CSMD1: variants seen among roughly 807,000 people sequenced by gnomAD.
The protein encoded by CSMD1 is CUB and sushi domain-containing protein 1.
In CSMD1, 213 loss-of-function variants were observed where a neutral mutation model predicts 417.5. The ratio of observed to expected loss-of-function variants is 0.51; its 90% confidence interval spans 0.46 to 0.57. The LOEUF is 0.57. Ranked by LOEUF, CSMD1 falls within the 20% of genes least tolerant of loss-of-function variation. The pLI is 0.00. For missense variants in CSMD1, 6,923 were observed against 4,529.7 expected (o/e 1.53, Z -15.17); for synonymous variants, 2,862 against 1,736.8 (o/e 1.65, Z -16.11).
intron 5 of CSMD1, among the ~76,000 whole-genome samples, chr8:3,988,850 G>T (rs545776754): frequency 6.6e-6 from 1 of 152,122 alleles, no homozygotes; most frequent in Non-Finnish European, 1.5e-5. Flanking sequence ...TTCCTTTAAA[G>T]TGATATTATT....
intron 5 of CSMD1, among the ~76,000 whole-genome samples, chr8:3,804,861 T>G (rs1225938260): frequency 3.3e-5 from 5 of 152,174 alleles, no homozygotes; most frequent in African/African-American, 1.2e-4. Context: ...TTCTTTCCTG[T>G]TACATGATTA....
chr8:3,755,153 C>T (rs901210710), intron 5 of CSMD1, among the ~76,000 whole-genome samples: 13 of 152,126 alleles, frequency 8.5e-5, no homozygotes, highest in Non-Finnish European at 1.2e-4. Flanking sequence ...CCGTTAGAGG[C>T]GCAAGGGACA....
At chr8:4,504,069 G>GA (rs780395592) in intron 2 of CSMD1, among the ~76,000 whole-genome samples, 4 of 152,082 alleles carry the variant, frequency 2.6e-5, no homozygotes, top group South Asian at 4.2e-4. Context: ...TGGAGGTACA[G>GA]AAAAAATCCT....
chr8:3,857,692 T>A (rs546189586), intron 5 of CSMD1, among the ~76,000 whole-genome samples: 1 of 152,306 alleles, frequency 6.6e-6, no homozygotes, highest in African/African-American at 2.4e-5. Flanking sequence ...AGATTCTTCA[T>A]AATCTTCAAA....
chr8:4,854,310 G>A (rs920884843), intron 1 of CSMD1, among the ~76,000 whole-genome samples: 3 of 152,112 alleles, frequency 2.0e-5, no homozygotes, highest in Non-Finnish European at 4.4e-5. Context: ...TTGGGTTGCC[G>A]AGGCAGATCC....
chr8:2,993,780 G>A (rs1360594888), intron 54 of CSMD1, among the ~76,000 whole-genome samples: 2 of 151,982 alleles, frequency 1.3e-5, no homozygotes, highest in Non-Finnish European at 2.9e-5. Flanking sequence ...CTCCCGTCTC[G>A]GCCCTTATGA....
At chr8:4,090,720 A>C (rs968359993) in intron 3 of CSMD1, among the ~76,000 whole-genome samples, 3 of 152,166 alleles carry the variant, frequency 2.0e-5, no homozygotes, top group African/African-American at 7.2e-5. Context: ...TTTTAAATCA[A>C]TTTTACTTAA....
intron 1 of CSMD1, among the ~76,000 whole-genome samples, chr8:4,815,529 C>T (rs1799152604): frequency 6.6e-6 from 1 of 151,628 alleles, no homozygotes; most frequent in South Asian, 2.1e-4. Flanking sequence ...AACCCCATCT[C>T]TACTGAAAAT....
intron 6 of CSMD1, among the ~76,000 whole-genome samples, chr8:3,725,564 T>C (rs1475663295): frequency 1.3e-5 from 2 of 152,106 alleles, no homozygotes; most frequent in East Asian, 1.9e-4. Context: ...TTGTATTAAG[T>C]AGAAACAGTT....
chr8:3,440,876 G>A (rs2117060728), intron 12 of CSMD1, among the ~76,000 whole-genome samples: 1 of 152,308 alleles, frequency 6.6e-6, no homozygotes, highest in East Asian at 1.9e-4. Context: ...AGACGTTACA[G>A]CAGGCTTGAT....
intron 42 of CSMD1, among the ~76,000 whole-genome samples, chr8:3,115,991 T>C (rs1816842090): frequency 6.6e-6 from 1 of 152,336 alleles, no homozygotes; most frequent in Middle Eastern, 3.4e-3. Flanking sequence ...TACATGAAGA[T>C]ACTGGGTTGT....
intron 54 of CSMD1, among the ~76,000 whole-genome samples, chr8:2,989,492 T>C (rs1371664930): frequency 2.0e-5 from 3 of 152,192 alleles, no homozygotes; most frequent in Non-Finnish European, 2.9e-5. Flanking sequence ...ATCAGATATA[T>C]TTGAAAAAGC....
intron 2 of CSMD1, among the ~76,000 whole-genome samples, chr8:4,549,675 G>T (rs563933515): frequency 1.3e-5 from 2 of 151,978 alleles, no homozygotes; most frequent in African/African-American, 4.8e-5. Flanking sequence ...GATCACTTGA[G>T]TTCAGGAGTT....
At chr8:3,479,352 C>T (rs1231082394) in intron 11 of CSMD1, among the ~76,000 whole-genome samples, 1 of 152,182 alleles carries the variant, frequency 6.6e-6, no homozygotes, top group Non-Finnish European at 1.5e-5. Context: ...ATGATCTTGG[C>T]TCACCGCAAC....
chr8:3,995,463 C>A (rs904664198), intron 5 of CSMD1, among the ~76,000 whole-genome samples: 12 of 152,178 alleles, frequency 7.9e-5, no homozygotes, highest in African/African-American at 2.9e-4. Context: ...GCTTTATGAT[C>A]CAGCCTGTAG....
intron 1 of CSMD1, among the ~76,000 whole-genome samples, chr8:4,909,602 A>G (rs1012089393): frequency 3.2e-4 from 49 of 152,244 alleles, no homozygotes; most frequent in African/African-American, 1.2e-3. Context: ...TGGAATTTTC[A>G]CCGTGAGCAC....
chr8:4,077,279 C>CTATATATGTATATATGTATATA (rs1799867858), intron 3 of CSMD1, among the ~76,000 whole-genome samples: 2 of 94,992 alleles, frequency 2.1e-5, no homozygotes, highest in Non-Finnish European at 4.3e-5. Context: ...CATTTGTCAC[C>CTATATATGTATATATGTATATA]TATATATATA....
chr8:3,057,537 T>C (rs1477323799), intron 49 of CSMD1, among the ~76,000 whole-genome samples: 4 of 137,590 alleles, frequency 2.9e-5, no homozygotes, highest in Non-Finnish European at 6.3e-5. Context: ...TGTGTAATTA[T>C]GTCTTATTTT....
chr8:4,028,418 T>C (rs898846443), intron 4 of CSMD1, among the ~76,000 whole-genome samples: 1 of 151,948 alleles, frequency 6.6e-6, no homozygotes, highest in African/African-American at 2.4e-5. Context: ...GGGGTGGTGG[T>C]AGTAGTAGCA....
Sources: gnomAD v4.1 joint callset for allele counts (sites outside exome capture counted in the v4.1 genomes callset) on GRCh38, gnomAD v4.1.1 for gene constraint, MANE v1.5 for transcripts, NCBI Gene and HGNC (gene_info 2026-07-23, HGNC 2026-07-21) for gene names.